The following NHSL3 variants were observed in gnomAD, a reference collection of about 807,000 sequenced individuals.
The protein encoded by NHSL3 is NHS like 3, also known as NHS-like protein 3.
the NHSL3 span, chr1:32,768,912 T>G: frequency 2.7e-6 from 3 of 1,115,516 alleles, no homozygotes; most frequent in Non-Finnish European, 3.8e-6. Context: ...CTGTGTCCTC[T>G]TGCACATTCG....
the NHSL3 span, chr1:32,772,856 C>G: frequency 6.2e-7 from 1 of 1,613,928 alleles, no homozygotes. Context: ...TCTTATTTTT[C>G]TCCCCCAGAC....
chr1:32,770,679 T>C, the NHSL3 span: 1 of 1,527,626 alleles, frequency 6.5e-7, no homozygotes, highest in Non-Finnish European at 8.8e-7. The surrounding 1 kb of genome is among the most constrained non-coding windows in gnomAD (Gnocchi z 8.3). Context: ...CTCCACCCCC[T>C]CCCCGCCGGA....
the NHSL3 span, chr1:32,768,214 A>G: frequency 1.2e-6 from 1 of 858,260 alleles, no homozygotes; most frequent in Non-Finnish European, 2.0e-6. Context: ...TTTCTTTATC[A>G]CAAAGGGCTA....
the NHSL3 span, chr1:32,771,445 G>C: frequency 6.3e-7 from 1 of 1,581,644 alleles, no homozygotes; most frequent in Non-Finnish European, 8.6e-7. Flanking sequence ...GGCACCATCT[G>C]CCTCAGAGAC....
At chr1:32,770,673 AC>A in the NHSL3 span, 3 of 1,521,266 alleles carry the variant, frequency 2.0e-6, no homozygotes, top group Non-Finnish European at 2.6e-6. This position sits in a 1 kb window ranked among gnomAD's most constrained non-coding sequence, Gnocchi z 8.3. Flanking sequence ...AGCGGCCTCC[AC>A]CCCCTCCCCG....
chr1:32,747,144 T>G, the NHSL3 span, among the ~76,000 whole-genome samples: 1 of 151,900 alleles, frequency 6.6e-6, no homozygotes, highest in Non-Finnish European at 1.5e-5. Flanking sequence ...TGCCCCTCTT[T>G]GGACCAGACA....
the NHSL3 span, chr1:32,770,000 C>T: frequency 2.1e-5 from 33 of 1,603,890 alleles, no homozygotes; most frequent in African/African-American, 3.6e-4. Context: ...GCCCGGGTGT[C>T]CCTGCAGGCG....
At chr1:32,759,561 C>T in the NHSL3 span, among the ~76,000 whole-genome samples, 6 of 152,224 alleles carry the variant, frequency 3.9e-5, no homozygotes, top group Non-Finnish European at 8.8e-5. Flanking sequence ...CTCCTCCCCT[C>T]CCTGCTCTGG....
chr1:32,769,654 TC>T, the NHSL3 span: 1 of 1,592,502 alleles, frequency 6.3e-7, no homozygotes, highest in Middle Eastern at 2.0e-4. Flanking sequence ...ACAGTTTTTC[TC>T]CCACGACTGG....
chr1:32,770,101 C>T, the NHSL3 span: 104 of 1,555,072 alleles, frequency 6.7e-5, no homozygotes, highest in South Asian at 1.8e-4. This position sits in a 1 kb window ranked among gnomAD's most constrained non-coding sequence, Gnocchi z 8.3. Context: ...CTTTGTTGGC[C>T]GGTCCACGGG....
the NHSL3 span, among the ~76,000 whole-genome samples, chr1:32,767,556 G>GT: frequency 6.6e-6 from 1 of 152,058 alleles, no homozygotes; most frequent in South Asian, 2.1e-4. Flanking sequence ...TGTGGTGTGG[G>GT]TACTCAGATT....
At chr1:32,771,723 C>T in the NHSL3 span, 1 of 1,613,554 alleles carries the variant, frequency 6.2e-7, no homozygotes, top group Non-Finnish European at 8.5e-7. Context: ...CTAGTTCCGC[C>T]CCAGGGCATG....
the NHSL3 span, among the ~76,000 whole-genome samples, chr1:32,748,890 C>T: frequency 1.7e-4 from 26 of 152,140 alleles, no homozygotes; most frequent in African/African-American, 5.3e-4. Context: ...CTGTCTCCCC[C>T]AGACCCCTGT....
the NHSL3 span, among the ~76,000 whole-genome samples, chr1:32,759,184 T>A: frequency 1.3e-5 from 2 of 152,096 alleles, no homozygotes; most frequent in Admixed American, 6.5e-5. Context: ...TGTGGCTTTC[T>A]TTAAGGTTCC....
the NHSL3 span, chr1:32,769,830 C>A: frequency 6.2e-7 from 1 of 1,610,248 alleles, no homozygotes; most frequent in South Asian, 1.1e-5. Flanking sequence ...GGGTGGGGAG[C>A]CTTGGTCATC....
At chr1:32,772,777 T>C in the NHSL3 span, 12 of 1,275,412 alleles carry the variant, frequency 9.4e-6, no homozygotes, top group East Asian at 4.6e-5. Flanking sequence ...GGTAAGAAGG[T>C]TGGGTGAGGG....
the NHSL3 span, among the ~76,000 whole-genome samples, chr1:32,757,527 C>G: frequency 6.6e-6 from 1 of 152,038 alleles, no homozygotes; most frequent in African/African-American, 2.4e-5. Context: ...CTGGGATTAA[C>G]CAGATGTTGA....
chr1:32,749,857 G>A, the NHSL3 span, among the ~76,000 whole-genome samples: 4 of 152,058 alleles, frequency 2.6e-5, no homozygotes, highest in Non-Finnish European at 5.9e-5. Flanking sequence ...CTGAAGCAGG[G>A]CTCCTAGCAA....
the NHSL3 span, among the ~76,000 whole-genome samples, chr1:32,753,179 G>A: frequency 6.6e-6 from 1 of 151,726 alleles, no homozygotes; most frequent in Admixed American, 6.6e-5. Flanking sequence ...ATGTTGGCCA[G>A]GCTGGTTAAA....
Sources: gnomAD v4.1 joint callset for allele counts (sites outside exome capture counted in the v4.1 genomes callset) on GRCh38, gnomAD v4.1.1 for gene constraint, Gnocchi (gnomAD v3.1) non-coding constraint, MANE v1.5 for transcripts, NCBI Gene and HGNC (gene_info 2026-07-23, HGNC 2026-07-21) for gene names.